RNF115: variants seen among roughly 807,000 people sequenced by gnomAD.
The protein encoded by RNF115 is E3 ubiquitin-protein ligase RNF115.
RNF115 carries 31 observed loss-of-function variants against 39.2 expected under a neutral mutation model. The observed-to-expected ratio is 0.79, with a 90% CI of 0.59 to 1.07. RNF115 has a LOEUF of 1.07. RNF115 is among the 50% of genes least tolerant of loss of function. RNF115 has a pLI of 0.00. For missense variants in RNF115, 384 were observed against 381.7 expected (o/e 1.01, Z -0.05); for synonymous variants, 124 against 131.0 (o/e 0.95, Z 0.37).
At position 145,750,516 on chromosome 1, in the gene RNF115, A is replaced by G; in HGVS notation, c.574-16T>C. 3.1e-6 allele frequency: 5 copies of G among 1,604,768 alleles called. No individual in the cohort carries two copies. Among genetic ancestry groups the G allele is most frequent in the Non-Finnish European group, 4.3e-6 (5 of 1,171,752 alleles). On this transcript the variant is annotated splice_polypyrimidine_tract_variant and intron_variant, in intron 6 of 8. Transcript: ENST00000582693. ...GTCCTAAAAGCTACAAAAAAAGAGA[A>G]AGAAAAAGACGAAGTGGCAGACATC...
At chr1:145,761,272 G>A (rs1658491876) in intron 4 of RNF115, among the ~76,000 whole-genome samples, 1 of 152,206 alleles carries the variant, frequency 6.6e-6, no homozygotes, top group East Asian at 1.9e-4. Flanking sequence ...GTAGCAAGGA[G>A]CCTAATGTTA....
At chr1:145,778,894 A>AT (rs1241386560) in intron 3 of RNF115, among the ~76,000 whole-genome samples, 1 of 152,168 alleles carries the variant, frequency 6.6e-6, no homozygotes, top group African/African-American at 2.4e-5. Context: ...CATTGTTCTG[A>AT]TTATGTGTGC....
intron 4 of RNF115, among the ~76,000 whole-genome samples, chr1:145,767,938 G>A (rs1031215648): frequency 8.4e-5 from 5 of 59,842 alleles, no homozygotes; most frequent in Non-Finnish European, 1.5e-4. Flanking sequence ...GTCCAGCTTC[G>A]GCTCGGCATC....
chr1:145,820,324 A>G (rs1233875861), intron 1 of RNF115, among the ~76,000 whole-genome samples: 1 of 152,046 alleles, frequency 6.6e-6, no homozygotes, highest in African/African-American at 2.4e-5. Flanking sequence ...AAAATTAGCC[A>G]GGCATGGTGG....
intron 4 of RNF115, among the ~76,000 whole-genome samples, chr1:145,756,208 C>G (rs995028567): frequency 6.6e-6 from 1 of 152,104 alleles, no homozygotes; most frequent in African/African-American, 2.4e-5. Context: ...CGCCTATAAT[C>G]CCAGCACTTT....
chr1:145,815,743 C>T (rs1649963751), intron 1 of RNF115, among the ~76,000 whole-genome samples: 2 of 150,084 alleles, frequency 1.3e-5, no homozygotes. Flanking sequence ...ATCTGATGAC[C>T]AAAAAATCTA....
At chr1:145,797,655 T>C (rs1301538116) in intron 1 of RNF115, among the ~76,000 whole-genome samples, 2 of 152,220 alleles carry the variant, frequency 1.3e-5, no homozygotes, top group Non-Finnish European at 2.9e-5. Context: ...TCTGGATACA[T>C]ATCCAGAAAT....
intron 3 of RNF115, 51 bp from the exon 4 acceptor site, chr1:145,771,970 A>C: frequency 7.0e-7 from 1 of 1,436,710 alleles, no homozygotes; most frequent in Non-Finnish European, 9.7e-7. Flanking sequence ...ATCAATAAAC[A>C]CCTGGATTGT....
At chr1:145,766,530 G>C (rs1647281377) in intron 4 of RNF115, among the ~76,000 whole-genome samples, 1 of 146,842 alleles carries the variant, frequency 6.8e-6, no homozygotes, top group Admixed American at 6.8e-5. Context: ...AGACGGGGTG[G>C]TGGCCGGGCA....
At chr1:145,791,512 C>CAA (rs1180971080) in intron 1 of RNF115, among the ~76,000 whole-genome samples, 4 of 106,052 alleles carry the variant, frequency 3.8e-5, no homozygotes, top group African/African-American at 1.0e-4. Flanking sequence ...AACTCCACCT[C>CAA]AAAAAAAAAA....
intron 1 of RNF115, among the ~76,000 whole-genome samples, chr1:145,802,856 T>C (rs587599317): frequency 1.3e-5 from 2 of 152,314 alleles, no homozygotes; most frequent in South Asian, 2.1e-4. Context: ...GTACCCACTA[T>C]ACTTTTACTC....
chr1:145,768,841 G>A (rs1184648451), intron 4 of RNF115, among the ~76,000 whole-genome samples: 2 of 152,178 alleles, frequency 1.3e-5, no homozygotes, highest in Non-Finnish European at 2.9e-5. Flanking sequence ...GACAATTACT[G>A]TAAAGTAACA....
intron 4 of RNF115, among the ~76,000 whole-genome samples, chr1:145,759,398 A>G (rs1020996712): frequency 4.6e-5 from 7 of 152,022 alleles, no homozygotes; most frequent in African/African-American, 7.2e-5. Flanking sequence ...ACTCCTCCTA[A>G]TGTTCCCCAT....
In RNF115 at chr1:145,823,995, C is replaced by T. The variant is rs1229023140; in HGVS notation, c.-122G>A. 6 of 687,846 alleles carry T rather than the reference C, an allele frequency of 8.7e-6. No individual in the cohort carries two copies. Among genetic ancestry groups the T allele is most frequent in the South Asian group, 2.5e-5 (1 of 39,982 alleles). 42.6% of individuals were successfully genotyped at this position (687,846 alleles called of 1,614,324 possible). A position where few individuals can be genotyped will look rare whatever the true frequency, so the allele number is the denominator to read the frequency against. ...CGGTGCGGCCCACCGCTTCAGAGCC[C>T]GCGTCGGTCACGTGAGTTGGCCAGG... On this transcript the variant is annotated 5_prime_UTR_variant, in exon 1 of 9. Transcript: ENST00000582693.
At position 145,746,508 on chromosome 1, in the gene RNF115, G is replaced by A. The variant is rs1389664567; in HGVS notation, c.*358C>T. On this transcript the variant is annotated 3_prime_UTR_variant, in exon 9 of 9. Coordinates refer to ENST00000582693, the MANE Select transcript of RNF115 (RefSeq NM_014455.4). ...TATAGTAAAATACACTAATGGTGGG[G>A]TAGAGGTTGGAGAAGGAGGTGGAAA... The A allele has an allele frequency of 5.7e-6, 1 of 173,946 alleles. No homozygotes were observed. Among genetic ancestry groups the A allele is most frequent in the African/African-American group, 2.4e-5 (1 of 42,162 alleles). 10.8% of individuals were successfully genotyped at this position (173,946 alleles called of 1,614,324 possible).
chr1:145,767,073 AC>A (rs1318642446), intron 4 of RNF115, among the ~76,000 whole-genome samples: 2 of 128,380 alleles, frequency 1.6e-5, no homozygotes, highest in African/African-American at 3.1e-5. Context: ...CAGGGGGCTG[AC>A]CCCCCCACCT....
chr1:145,804,281 T>A (rs1649371171), intron 1 of RNF115, among the ~76,000 whole-genome samples: 1 of 152,156 alleles, frequency 6.6e-6, no homozygotes, highest in Non-Finnish European at 1.5e-5. Flanking sequence ...TTAACCATAT[T>A]CTAGTAGTTA....
rs587685603 is a variant in RNF115, at chr1:145,754,153, T to C, written c.429-1104A>G. ...CTATTCCGTTTGTTTGCTTGCTTTTTTGTATTATTTTTCATTATTTATTTT... is the reference window on the plus strand; with the variant it reads ...CTATTCCGTTTGTTTGCTTGCTTTTCTGTATTATTTTTCATTATTTATTTT... On this transcript the variant is annotated intron_variant, in intron 4 of 8. Coordinates refer to ENST00000582693, the MANE Select transcript of RNF115 (RefSeq NM_014455.4). Among the ~76,000 whole-genome samples the C allele has an allele frequency of 1.3e-4, 20 of 152,346 alleles. No homozygotes were observed. In the South Asian group the frequency reaches 3.7e-3, roughly 28 times the overall value.
Position 145,763,648 on chromosome 1 carries a change from G to A in RNF115, c.428+8063C>T, listed in dbSNP as rs201929116. On this transcript the variant is annotated intron_variant, in intron 4 of 8. Coordinates refer to ENST00000582693, the MANE Select transcript of RNF115 (RefSeq NM_014455.4). ...TGGGAAGCAGAGGTTGCAGTGAGCC[G>A]AGATCACACCACTGCACTGCAGCCT... Among the ~76,000 whole-genome samples, 9 of 151,720 alleles carry A rather than the reference G, an allele frequency of 5.9e-5. No individual in the cohort carries two copies. The South Asian group carries it at 6.3e-4, about 11-fold the overall frequency.
Sources: allele counts gnomAD v4.1 joint callset (sites outside exome capture counted in the v4.1 genomes callset), GRCh38; gene constraint gnomAD v4.1.1; transcripts MANE v1.5; gene names NCBI Gene and HGNC (gene_info 2026-07-23, HGNC 2026-07-21).